ERICH1: variants seen among roughly 807,000 people sequenced by gnomAD.
ERICH1 encodes glutamate rich 1.
Under a neutral mutation model 39.6 loss-of-function variants are expected in ERICH1, and 56 were observed. The ratio of observed to expected loss-of-function variants is 1.41; its 90% CI spans 1.14 to 1.77. ERICH1 has a LOEUF of 1.77. Ranked by LOEUF, ERICH1 falls within the 40% of genes most tolerant of loss-of-function variation. The probability of loss-of-function intolerance (pLI) is 0.00; values close to 1 mark genes in which losing one functional copy is unlikely to be tolerated. For synonymous variants in ERICH1, 313 were observed against 223.6 expected (o/e 1.40, Z -3.57); for missense variants, 826 against 575.4 (o/e 1.44, Z -4.45).
rs926360586 is a variant in ERICH1 at position 728,088 on chromosome 8, G to C, written c.22+3052C>G. 2.6e-5 allele frequency among the ~76,000 whole-genome samples: 4 copies of C among 152,130 alleles called. No individual in the cohort carries two copies. The South Asian group carries it at 8.3e-4, about 31-fold the overall frequency. ...GTCCTCACCCCAGCATCTGAGGATC[G>C]TCTCTGCCAAGCAAACCCCACACAA... On this transcript the variant is annotated intron_variant, in intron 1 of 5. Transcript: ENST00000262109.
chr8:711,500 T>C (rs1015665568), intron 2 of ERICH1, among the ~76,000 whole-genome samples: 1 of 151,500 alleles, frequency 6.6e-6, no homozygotes, highest in Non-Finnish European at 1.5e-5. Flanking sequence ...AGGTGTAAGA[T>C]CTTTTTTTTT....
chr8:629,384 T>C (rs902856844), intron 3 of ERICH1, among the ~76,000 whole-genome samples: 2,633 of 141,076 alleles, frequency 0.019, 33 homozygotes, highest in Non-Finnish European at 0.026. Context: ...CACACTCTCC[T>C]GTGACCACCC....
At chr8:633,006 A>G (rs552481231) in intron 3 of ERICH1, among the ~76,000 whole-genome samples, 89 of 152,332 alleles carry the variant, frequency 5.8e-4, no homozygotes, top group African/African-American at 2.1e-3. Context: ...AGGGAGGCAG[A>G]TCGGCCAGAG....
At chr8:630,398 C>A (rs1403885721) in intron 3 of ERICH1, among the ~76,000 whole-genome samples, 3 of 144,456 alleles carry the variant, frequency 2.1e-5, no homozygotes, top group Admixed American at 6.8e-5. Context: ...ACAGACAGAG[C>A]TGACTCACAC....
At chr8:706,905 G>A (rs1002906502) in intron 2 of ERICH1, among the ~76,000 whole-genome samples, 1 of 152,208 alleles carries the variant, frequency 6.6e-6, no homozygotes, top group South Asian at 2.1e-4. Flanking sequence ...ATAGTGTTAA[G>A]AAGACAATAC....
At chr8:722,263 G>A (rs368287328) in intron 1 of ERICH1, among the ~76,000 whole-genome samples, 29 of 150,206 alleles carry the variant, frequency 1.9e-4, no homozygotes, top group Non-Finnish European at 1.5e-4. Flanking sequence ...AATAAATGAC[G>A]AAGCAGGCCA....
At chr8:678,030 C>T (rs1270599656) in intron 3 of ERICH1, among the ~76,000 whole-genome samples, 1 of 151,848 alleles carries the variant, frequency 6.6e-6, no homozygotes, top group Non-Finnish European at 1.5e-5. Context: ...TTTTATAAGA[C>T]TATAAAACAG....
intron 3 of ERICH1, among the ~76,000 whole-genome samples, chr8:636,279 G>A (rs1416266408): frequency 1.3e-5 from 2 of 152,226 alleles, no homozygotes; most frequent in East Asian, 1.9e-4. Context: ...GCGTGGCCAC[G>A]TGGGGTTGCA....
intron 2 of ERICH1, among the ~76,000 whole-genome samples, chr8:701,260 A>G (rs1193269685): frequency 1.3e-5 from 2 of 151,610 alleles, no homozygotes; most frequent in African/African-American, 4.9e-5. Context: ...GCTGGACGGG[A>G]GCACGCCGTA....
chr8:672,868 T>A (rs2131854821), intron 4 of ERICH1, among the ~76,000 whole-genome samples: 1 of 152,380 alleles, frequency 6.6e-6, no homozygotes, highest in East Asian at 1.9e-4. Context: ...TTCCTTCACC[T>A]CTCAGTCTGC....
In ERICH1 at chr8:673,352, T is replaced by G. The variant is rs546851845; in HGVS notation, c.1000A>C (p.Asn334His). The G allele has an allele frequency of 6.2e-7, 1 of 1,614,088 alleles. No homozygotes were observed. Residue 334 changes from asparagine (N) to histidine (H), a missense_variant, in exon 4 of 6, where the codon AAT (asparagine) becomes CAT (histidine). Asn to His is a moderately conservative substitution (Grantham distance 68). Transcript: ENST00000262109. Reference sequence around the variant, plus strand: ...TTTAGAATACTGTGTGCCTTTTCATTGGTAATTGTATCATCTTCCTCGCTG... The same window carrying G: ...TTTAGAATACTGTGTGCCTTTTCATGGGTAATTGTATCATCTTCCTCGCTG... ...DASEEDDTIT[N>H]EKAHSILNFL... is the part of the protein sequence containing the mutation.
intron 4 of ERICH1, among the ~76,000 whole-genome samples, chr8:670,527 G>T (rs1361441001): frequency 6.6e-6 from 1 of 152,170 alleles, no homozygotes; most frequent in Non-Finnish European, 1.5e-5. Flanking sequence ...TGACTCCAGG[G>T]TGGCCACACA....
intron 3 of ERICH1, among the ~76,000 whole-genome samples, chr8:630,039 C>G (rs1183325707): frequency 6.6e-4 from 70 of 105,296 alleles, no homozygotes; most frequent in African/African-American, 2.0e-3. Flanking sequence ...CCTCCCGTGA[C>G]CACCCACACA....
intron 3 of ERICH1, among the ~76,000 whole-genome samples, chr8:689,081 C>T (rs1008768021): frequency 6.6e-6 from 1 of 152,116 alleles, no homozygotes; most frequent in Non-Finnish European, 1.5e-5. Flanking sequence ...GAGGTACACT[C>T]ATATAAACTA....
At chr8:636,349 A>G (rs1306796832) in intron 3 of ERICH1, among the ~76,000 whole-genome samples, 1 of 152,236 alleles carries the variant, frequency 6.6e-6, no homozygotes, top group Non-Finnish European at 1.5e-5. Flanking sequence ...ATGTGTGGAA[A>G]TCATTGATGG....
At chr8:696,333 T>A (rs1158401886) in intron 2 of ERICH1, among the ~76,000 whole-genome samples, 1 of 36,192 alleles carries the variant, frequency 2.8e-5, no homozygotes, top group Non-Finnish European at 4.9e-5. Context: ...CTCGCTCCTC[T>A]CACCCTCCAC....
intron 2 of ERICH1, among the ~76,000 whole-genome samples, chr8:696,621 G>A (rs111162123): frequency 6.7e-5 from 2 of 30,072 alleles, no homozygotes. Flanking sequence ...ATCAGCCTGC[G>A]CTCGCTCCTC....
At chr8:674,181 C>G in intron 3 of ERICH1, 134 bp from the exon 4 acceptor site, 1 of 1,030,594 alleles carries the variant, frequency 9.7e-7, no homozygotes, top group East Asian at 2.6e-5. Flanking sequence ...TTCGGTGATT[C>G]TCAACTTTAC....
intron 1 of ERICH1, among the ~76,000 whole-genome samples, chr8:721,544 GTTTA>G (rs913959621): frequency 6.6e-6 from 1 of 152,216 alleles, no homozygotes; most frequent in African/African-American, 2.4e-5. Flanking sequence ...TGCTCACACT[GTTTA>G]TTTACACAGA....
Sources: gnomAD v4.1 joint callset for allele counts (sites outside exome capture counted in the v4.1 genomes callset) on GRCh38, gnomAD v4.1.1 for gene constraint, MANE v1.5 for transcripts, NCBI Gene and HGNC (gene_info 2026-07-23, HGNC 2026-07-21) for gene names.